Variants in BRINP2 observed in about 807,000 individuals in gnomAD.
The protein encoded by BRINP2 is BMP/retinoic acid inducible neural specific 2.
BRINP2 carries 21 observed loss-of-function variants against 69.2 expected under a neutral mutation model. That is an observed-to-expected ratio of 0.30 (90% CI 0.22 to 0.44). The LOEUF is 0.44. BRINP2 is among the 20% of genes least tolerant of loss of function. BRINP2 has a pLI of 1.00. For synonymous variants in BRINP2, 380 were observed against 394.1 expected (o/e 0.96, Z 0.42); for missense variants, 877 against 986.0 (o/e 0.89, Z 1.48).
intron 5 of BRINP2, among the ~76,000 whole-genome samples, chr1:177,274,030 T>G (rs1028021703): frequency 1.3e-5 from 2 of 152,156 alleles, no homozygotes; most frequent in Non-Finnish European, 2.9e-5. Context: ...TCAACTAAGA[T>G]CTGTACAAAG....
intron 4 of BRINP2, among the ~76,000 whole-genome samples, chr1:177,267,026 G>T (rs907343377): frequency 6.6e-6 from 1 of 152,136 alleles, no homozygotes; most frequent in Non-Finnish European, 1.5e-5. Context: ...TGTGGGCAGT[G>T]GGTAAAGGTT....
intron 1 of BRINP2, among the ~76,000 whole-genome samples, chr1:177,217,404 G>A (rs1249959663): frequency 3.9e-5 from 6 of 151,916 alleles, no homozygotes; most frequent in African/African-American, 7.3e-5. Context: ...TATTATCTTC[G>A]AGATTTTATT....
At chr1:177,257,797 T>C (rs1006267767) in intron 4 of BRINP2, among the ~76,000 whole-genome samples, 22 of 152,238 alleles carry the variant, frequency 1.4e-4, no homozygotes, top group Admixed American at 3.3e-4. Context: ...CTTTGGGGTT[T>C]AGACTTTGAG....
At chr1:177,174,463 G>A (rs1186132416) in intron 1 of BRINP2, among the ~76,000 whole-genome samples, 1 of 152,206 alleles carries the variant, frequency 6.6e-6, no homozygotes, top group Non-Finnish European at 1.5e-5. Context: ...TGACAAAAGG[G>A]AAATGATGAT....
At position 177,171,169 on chromosome 1, in the gene BRINP2, C is replaced by T. The variant is rs543687229; in HGVS notation, c.-640C>T. ...GGTCAGTGGCAGGTCTGCAGGCAGC[C>T]GAGGGAGCGGTGAAGCCGGAAGACC... On this transcript the variant is annotated 5_prime_UTR_variant, in exon 1 of 8. Coordinates refer to ENST00000361539, the MANE Select transcript of BRINP2 (RefSeq NM_021165.4). 5.3e-5 allele frequency among the ~76,000 whole-genome samples: 8 copies of T among 152,286 alleles called. No individual in the cohort carries two copies. In the South Asian group the frequency reaches 1.5e-3, roughly 28 times the overall value.
At chr1:177,247,459 G>A (rs1558175532) in intron 2 of BRINP2, among the ~76,000 whole-genome samples, 1 of 152,218 alleles carries the variant, frequency 6.6e-6, no homozygotes, top group African/African-American at 2.4e-5. Context: ...AGAAAACTAT[G>A]TCCTTGGCTT....
intron 1 of BRINP2, among the ~76,000 whole-genome samples, chr1:177,211,602 C>T (rs1168449753): frequency 6.6e-6 from 1 of 152,148 alleles, no homozygotes; most frequent in African/African-American, 2.4e-5. Context: ...CTGTCCAGCC[C>T]TGTGTTGTTC....
intron 1 of BRINP2, among the ~76,000 whole-genome samples, chr1:177,183,831 C>T (rs980521685): frequency 1.3e-5 from 2 of 152,146 alleles, no homozygotes; most frequent in African/African-American, 2.4e-5. Flanking sequence ...TTGGGTTCCT[C>T]TGGTTTACAG....
intron 5 of BRINP2, among the ~76,000 whole-genome samples, chr1:177,273,836 C>G (rs1651411742): frequency 6.6e-6 from 1 of 152,130 alleles, no homozygotes; most frequent in African/African-American, 2.4e-5. Context: ...CTCAATCATC[C>G]CACTTCACAT....
intron 1 of BRINP2, among the ~76,000 whole-genome samples, chr1:177,206,710 TTAG>T (rs1649079360): frequency 1.3e-5 from 2 of 151,996 alleles, no homozygotes. Flanking sequence ...TCCCCAGATG[TTAG>T]TAGGAAGCAT....
At chr1:177,268,202 T>C (rs1168096966) in intron 4 of BRINP2, among the ~76,000 whole-genome samples, 1 of 152,210 alleles carries the variant, frequency 6.6e-6, no homozygotes, top group African/African-American at 2.4e-5. Flanking sequence ...GGCAGTAAAG[T>C]TGTCTGCCAG....
rs767469848 is a variant in BRINP2 at position 177,280,751 on chromosome 1, T to C, written c.1575T>C (p.Ile525=). 3 of 1,614,208 alleles carry C rather than the reference T, an allele frequency of 1.9e-6. No homozygotes were observed. In the East Asian group the frequency reaches 6.7e-5, roughly 36 times the overall value. ...KYLLQKQDSR[I]EVHSIFISND... The stretch of plus-strand genomic sequence containing the variant: ...TGCTGCAGAAGCAGGATAGCCGCAT[T>C]GAGGTACACTCCATCTTCATCAGCA... Residue 525 remains isoleucine (I), a synonymous_variant, in exon 8 of 8, where the codon ATT becomes ATC. Coordinates refer to ENST00000361539, the MANE Select transcript of BRINP2 (RefSeq NM_021165.4).
At chr1:177,172,121 G>A (rs1420819296) in intron 1 of BRINP2, among the ~76,000 whole-genome samples, 1 of 152,220 alleles carries the variant, frequency 6.6e-6, no homozygotes, top group African/African-American at 2.4e-5. Flanking sequence ...ACGCTGGGAG[G>A]TTCATTATGT....
At chr1:177,235,794 A>C (rs776878446) in intron 2 of BRINP2, among the ~76,000 whole-genome samples, 13 of 152,320 alleles carry the variant, frequency 8.5e-5, no homozygotes, top group South Asian at 4.1e-4. Context: ...ACTGAGGTAG[A>C]GAAAGGCTAC....
intron 2 of BRINP2, among the ~76,000 whole-genome samples, chr1:177,244,992 T>C (rs1650329261): frequency 6.6e-6 from 1 of 152,118 alleles, no homozygotes; most frequent in Admixed American, 6.5e-5. Flanking sequence ...GTGAGTGATA[T>C]TGCAAAGTAA....
At position 177,257,178 on chromosome 1, in the gene BRINP2, G is replaced by A. The variant is rs1487875176; in HGVS notation, c.463G>A (p.Glu155Lys). Residue 155 changes from glutamate to lysine, a missense_variant and splice_region_variant, in exon 4 of 8, where the codon GAA becomes AAA. Transcript: ENST00000361539. ...HFLLSATLGG[E>K]ESLTIFVDKQ... is the part of the protein sequence containing the mutation. ...TACACTCGTGTTGTTCACCATAGGAGAAGAGTCCCTGACCATTTTTGTGGA... is the reference window on the plus strand; with the variant it reads ...TACACTCGTGTTGTTCACCATAGGAAAAGAGTCCCTGACCATTTTTGTGGA... The A allele has an allele frequency of 6.2e-7, 1 of 1,613,994 alleles. No homozygotes were observed. Among genetic ancestry groups the A allele is most frequent in the African/African-American group, 1.3e-5 (1 of 74,986 alleles).
At chr1:177,275,175 C>A in intron 5 of BRINP2, 1 of 456,282 alleles carries the variant, frequency 2.2e-6, no homozygotes, top group Non-Finnish European at 4.4e-6. Context: ...CTTTGTTCAT[C>A]CTTTGGTAAG....
chr1:177,214,239 C>T (rs1451011335), intron 1 of BRINP2, among the ~76,000 whole-genome samples: 1 of 152,096 alleles, frequency 6.6e-6, no homozygotes, highest in Non-Finnish European at 1.5e-5. Context: ...CGAGACCAGC[C>T]TGTCTGACAT....
chr1:177,196,811 A>G (rs1010610798), intron 1 of BRINP2, among the ~76,000 whole-genome samples: 3 of 152,148 alleles, frequency 2.0e-5, no homozygotes, highest in Non-Finnish European at 4.4e-5. Context: ...GCTCAAAGTC[A>G]TTTAGAGACT....
Sources: gnomAD v4.1 joint callset for allele counts (sites outside exome capture counted in the v4.1 genomes callset) on GRCh38, gnomAD v4.1.1 for gene constraint, MANE v1.5 for transcripts, NCBI Gene and HGNC (gene_info 2026-07-23, HGNC 2026-07-21) for gene names.